ASCC1: variants seen among roughly 807,000 people sequenced by gnomAD.
The protein encoded by ASCC1 is activating signal cointegrator 1 complex subunit 1.
A neutral mutation model predicts 46.6 loss-of-function variants in ASCC1; 35 were observed. The observed-to-expected ratio is 0.75, with a 90% confidence interval of 0.57 to 0.99. ASCC1 has a LOEUF of 0.99. ASCC1 is among the 50% of genes least tolerant of loss of function. The probability of loss-of-function intolerance (pLI) is 0.00; values close to 1 mark genes in which losing one functional copy is unlikely to be tolerated. For missense variants in ASCC1, 376 were observed against 428.7 expected (o/e 0.88, Z 1.09); for synonymous variants, 143 against 146.6 (o/e 0.98, Z 0.18).
chr10:72,216,502 G>T (rs1859380825), upstream of ASCC1, among the ~76,000 whole-genome samples: 1 of 49,156 alleles, frequency 2.0e-5, no homozygotes, highest in African/African-American at 8.0e-5. Flanking sequence ...CCCCGTTACA[G>T]CTGCGGCATC....
intron 7 of ASCC1, among the ~76,000 whole-genome samples, chr10:72,142,365 CT>C (rs71018255): frequency 1.5e-3 from 199 of 137,068 alleles, no homozygotes; most frequent in Middle Eastern, 3.7e-3. Context: ...GCAGATTTCA[CT>C]TTTTTTTTTT....
intron 9 of ASCC1, among the ~76,000 whole-genome samples, chr10:72,109,874 A>G (rs529075763): frequency 6.6e-6 from 1 of 152,322 alleles, no homozygotes; most frequent in Non-Finnish European, 1.5e-5. Flanking sequence ...ATCTCCGCCT[A>G]ATCTCGGCAC....
intron 7 of ASCC1, among the ~76,000 whole-genome samples, chr10:72,148,524 G>A (rs1847904291): frequency 6.6e-6 from 1 of 152,204 alleles, no homozygotes; most frequent in Non-Finnish European, 1.5e-5. Context: ...TCAGTATTTG[G>A]TGCCAATATT....
chr10:72,173,309 C>A (rs1386102169), intron 5 of ASCC1, among the ~76,000 whole-genome samples: 1 of 151,944 alleles, frequency 6.6e-6, no homozygotes, highest in Non-Finnish European at 1.5e-5. Flanking sequence ...GCTCTAATAC[C>A]CAGCTAGAAA....
At chr10:72,098,353 C>T (rs1322078029) in intron 9 of ASCC1, among the ~76,000 whole-genome samples, 1 of 152,224 alleles carries the variant, frequency 6.6e-6, no homozygotes, top group Non-Finnish European at 1.5e-5. Context: ...AGTACAATCC[C>T]AAGAAAGCCT....
intron 3 of ASCC1, among the ~76,000 whole-genome samples, chr10:72,208,932 G>C (rs751534206): frequency 1.3e-4 from 20 of 152,164 alleles, no homozygotes; most frequent in Non-Finnish European, 2.5e-4. Flanking sequence ...GGGAGGCCAA[G>C]GCGGGTGGAC....
Position 72,096,885 on chromosome 10 carries a change from A to G in ASCC1, c.*449T>C. 1 of 454,120 alleles carries G rather than the reference A, an allele frequency of 2.2e-6. No individual in the cohort carries two copies. The highest frequency in any genetic ancestry group is 4.4e-6 in the Non-Finnish European group (1 of 226,792). The allele number at this position is 454,120 out of a possible 1,614,324, so 28.1% of individuals were successfully genotyped here. ...TCAAAACCAGAGAGACAGAAAGCAG[A>G]ATGGTGGCTGCGGGGGCTGGGAGGA... On this transcript the variant is annotated 3_prime_UTR_variant, in exon 10 of 10. Transcript: ENST00000672957.
At chr10:72,133,661 A>G (rs923904063) in intron 7 of ASCC1, 1 of 220,956 alleles carries the variant, frequency 4.5e-6, no homozygotes, top group Non-Finnish European at 9.1e-6. Flanking sequence ...GAGATGAGCT[A>G]AGTCTATAAG....
chr10:72,106,644 A>C (rs1842374879), intron 9 of ASCC1, among the ~76,000 whole-genome samples: 1 of 152,218 alleles, frequency 6.6e-6, no homozygotes, highest in African/African-American at 2.4e-5. Context: ...GCTCTTTGGG[A>C]AGGCACTCCC....
intron 9 of ASCC1, among the ~76,000 whole-genome samples, chr10:72,119,151 G>A (rs2132114288): frequency 6.6e-6 from 1 of 152,332 alleles, no homozygotes; most frequent in Admixed American, 6.5e-5. Context: ...AAGTCTAAGA[G>A]TTAGAAACTC....
Position 72,195,834 on chromosome 10 carries a change from C to CAA in ASCC1, c.489+975_489+976dup, listed in dbSNP as rs542227445. ...GGGCAACAAGAGTGAAACGCTGTCT[C>CAA]AAAAAAAAAAAAAGTATGTGAGTGT... On this transcript the variant is annotated intron_variant, in intron 5 of 9. Coordinates refer to ENST00000672957, the MANE Select transcript of ASCC1 (RefSeq NM_001198800.3). Among the ~76,000 whole-genome samples, 9 of 128,010 alleles carry CAA rather than the reference C, an allele frequency of 7.0e-5. No homozygotes were observed. In the East Asian group the frequency reaches 2.0e-3, roughly 28 times the overall value. The allele number at this position is 128,010 out of a possible 152,430, so 84.0% of individuals were successfully genotyped here.
At chr10:72,107,581 G>T (rs1842481379) in intron 9 of ASCC1, among the ~76,000 whole-genome samples, 1 of 152,210 alleles carries the variant, frequency 6.6e-6, no homozygotes, top group East Asian at 1.9e-4. Flanking sequence ...CATCACAGAA[G>T]AATGTAATTG....
intron 5 of ASCC1, among the ~76,000 whole-genome samples, chr10:72,196,397 G>A (rs1855430432): frequency 6.6e-6 from 1 of 151,356 alleles, no homozygotes; most frequent in Non-Finnish European, 1.5e-5. Context: ...TCCTGCCTCA[G>A]CCTCCCAAGT....
intron 5 of ASCC1, among the ~76,000 whole-genome samples, chr10:72,181,517 T>C (rs28602225): frequency 0.14 from 21,593 of 151,948 alleles, 4,387 homozygotes; most frequent in African/African-American, 0.45. Context: ...GATTTTAACA[T>C]TATAAAATTG....
At chr10:72,196,248 T>C (rs1589579405) in intron 5 of ASCC1, among the ~76,000 whole-genome samples, 1 of 151,980 alleles carries the variant, frequency 6.6e-6, no homozygotes. Flanking sequence ...GAATAGTGTG[T>C]CTATTAGGAT....
chr10:72,198,416 A>AAAAG (rs1215748854), intron 4 of ASCC1: 1 of 331,340 alleles, frequency 3.0e-6, no homozygotes, highest in Non-Finnish European at 5.8e-6. Flanking sequence ...GGAAGGAAAG[A>AAAAG]AAAGAAAGAA....
chr10:72,176,358 T>C (rs1349623921), intron 5 of ASCC1, among the ~76,000 whole-genome samples: 1 of 152,148 alleles, frequency 6.6e-6, no homozygotes, highest in Non-Finnish European at 1.5e-5. Context: ...TTTCTTTCTT[T>C]TGGAGACAGG....
chr10:72,198,367 G>GAAGA, intron 4 of ASCC1: 2 of 121,338 alleles, frequency 1.6e-5, no homozygotes, highest in Non-Finnish European at 3.0e-5. Flanking sequence ...GGAGGGGAGG[G>GAAGA]GGAGGGGAGG....
intron 9 of ASCC1, among the ~76,000 whole-genome samples, chr10:72,108,782 T>C (rs1375626375): frequency 6.6e-6 from 1 of 152,208 alleles, no homozygotes; most frequent in Non-Finnish European, 1.5e-5. Context: ...CTGATTATTA[T>C]TGTCACTCAC....
Sources: gnomAD v4.1 joint callset for allele counts (sites outside exome capture counted in the v4.1 genomes callset) on GRCh38, gnomAD v4.1.1 for gene constraint, MANE v1.5 for transcripts, NCBI Gene and HGNC (gene_info 2026-07-23, HGNC 2026-07-21) for gene names.